Variants in COL6A6 observed in about 807,000 individuals in gnomAD.
COL6A6 encodes collagen type VI alpha 6 chain, also known as collagen alpha-6(VI) chain.
A neutral mutation model predicts 208.6 loss-of-function variants in COL6A6; 183 were observed. The ratio of observed to expected loss-of-function variants is 0.88; its 90% confidence interval spans 0.78 to 0.99. The LOEUF is 0.99. Ranked by LOEUF, COL6A6 falls within the 50% of genes least tolerant of loss-of-function variation. The probability of loss-of-function intolerance (pLI) is 0.00; values close to 1 mark genes in which losing one functional copy is unlikely to be tolerated. For missense variants in COL6A6, 2,816 were observed against 2,815.2 expected (o/e 1.00, Z -0.01); for synonymous variants, 973 against 1,011.8 (o/e 0.96, Z 0.73).
At chr3:130,527,208 A>T (rs1424430702) in intron 1 of COL6A6, among the ~76,000 whole-genome samples, 9 of 152,118 alleles carry the variant, frequency 5.9e-5, no homozygotes, top group Admixed American at 5.9e-4. Flanking sequence ...TATTCTAATC[A>T]CCTTTGAGGC....
chr3:130,579,890 A>C (rs947694615), intron 8 of COL6A6, among the ~76,000 whole-genome samples: 1 of 152,216 alleles, frequency 6.6e-6, no homozygotes, highest in Non-Finnish European at 1.5e-5. Flanking sequence ...ATGGTTACTA[A>C]TTCTGGACTT....
chr3:130,622,970 G>T (rs990505078), intron 24 of COL6A6, among the ~76,000 whole-genome samples: 2 of 152,106 alleles, frequency 1.3e-5, no homozygotes, highest in African/African-American at 2.4e-5. Context: ...AAGGCACAAG[G>T]TTGGAAAATC....
Position 130,675,431 on chromosome 3 carries a change from T to TG in COL6A6, c.*36dup. On this transcript the variant is annotated 3_prime_UTR_variant, in exon 37 of 37. Transcript: ENST00000358511. ...TTGAACAACTTAGCCTTAGGAAGCA[T>TG]GGTAAGACTCTGGACTTAAATAGTA... 2 of 1,468,674 alleles carry TG rather than the reference T, an allele frequency of 1.4e-6. No individual in the cohort carries two copies. The highest frequency in any genetic ancestry group is 4.8e-5 in the East Asian group (2 of 41,892). The allele number at this position is 1,468,674 out of a possible 1,614,324, so 91.0% of individuals were successfully genotyped here. A position where few individuals can be genotyped will look rare whatever the true frequency, so the allele number is the denominator to read the frequency against.
intron 1 of COL6A6, among the ~76,000 whole-genome samples, chr3:130,536,658 C>T (rs747282723): frequency 6.6e-6 from 1 of 152,164 alleles, no homozygotes; most frequent in African/African-American, 2.4e-5. Flanking sequence ...TCAGGTAGAA[C>T]AAGCATGTCC....
In COL6A6 at chr3:130,661,756, A is replaced by G. The variant is rs76623493; in HGVS notation, c.5950A>G (p.Ile1984Val). 1,018 of 1,613,946 alleles carry G rather than the reference A, an allele frequency of 6.3e-4. 2 individuals are homozygous for G. The African/African-American group carries it at 0.011, about 18-fold the overall frequency. Residue 1984 changes from isoleucine to valine, a missense_variant, in exon 35 of 37, where the codon ATA (isoleucine) becomes GTA (valine). By Grantham distance (29) the Ile-to-Val change is conservative (BLOSUM62 3). Transcript: ENST00000358511. ...RNMGSAEFED[I>V]RAFLGALLDH... ...CATGGGAAGTGCTGAATTTGAAGAC[A>G]TAAGAGCCTTCCTTGGAGCACTATT...
At chr3:130,660,999 C>A (rs981699865) in intron 34 of COL6A6, among the ~76,000 whole-genome samples, 2 of 151,972 alleles carry the variant, frequency 1.3e-5, no homozygotes, top group Non-Finnish European at 2.9e-5. Context: ...ACTATGCATT[C>A]TTTTATTAAA....
Position 130,581,874 on chromosome 3 carries a change from A to C in COL6A6, c.3861A>C (p.Thr1287=), listed in dbSNP as rs747624250. ...NANLLDSLWD[T]FQNKSAARGK... ...ACCTCTTGGATTCTCTATGGGATACATTTCAGAATAAATCAGCTGCTCGAG... is the reference window on the plus strand; with the variant it reads ...ACCTCTTGGATTCTCTATGGGATACCTTTCAGAATAAATCAGCTGCTCGAG... Residue 1287 remains threonine, a synonymous_variant, in exon 9 of 37, where the codon ACA becomes ACC. Coordinates refer to ENST00000358511, the MANE Select transcript of COL6A6 (RefSeq NM_001102608.3). 3.1e-6 allele frequency: 5 copies of C among 1,609,306 alleles called. No individual in the cohort carries two copies. The highest frequency in any genetic ancestry group is 1.7e-5 in the Admixed American group (1 of 59,542).
chr3:130,562,685 C>T (rs1364269861), intron 2 of COL6A6, among the ~76,000 whole-genome samples: 9 of 151,902 alleles, frequency 5.9e-5, no homozygotes, highest in Non-Finnish European at 1.3e-4. Flanking sequence ...TAGTTGAAAT[C>T]AAATTCCAAA....
In COL6A6 at chr3:130,568,291, A is replaced by G; in HGVS notation, c.2088A>G (p.Gly696=). The stretch of plus-strand genomic sequence containing the variant: ...CAATAGACCAAATGGCTCACATTGG[A>G]CAAACCACCCTGACTGGTAGTGCCC... ...SNAIDQMAHI[G]QTTLTGSALS... is the part of the protein sequence containing the mutation. The change falls in exon 6 of 37, where the codon GGA becomes GGG. Residue 696 remains glycine (G), a synonymous_variant. Transcript: ENST00000358511. The G allele has an allele frequency of 6.2e-7, 1 of 1,614,038 alleles. No individual in the cohort carries two copies. Among genetic ancestry groups the G allele is most frequent in the East Asian group, 2.2e-5 (1 of 44,882 alleles).
At chr3:130,587,159 G>A (rs2063561146) in intron 11 of COL6A6, among the ~76,000 whole-genome samples, 1 of 152,196 alleles carries the variant, frequency 6.6e-6, no homozygotes, top group African/African-American at 2.4e-5. Context: ...AGAGCAATCT[G>A]CTCTAAAGCT....
intron 1 of COL6A6, among the ~76,000 whole-genome samples, chr3:130,553,846 GTTTTTTTTT>G (rs2062704619): frequency 1.4e-5 from 1 of 71,746 alleles, no homozygotes. Context: ...TTTTTTTTGT[GTTTTTTTTT>G]GTTTTGTTTT....
intron 23 of COL6A6, among the ~76,000 whole-genome samples, chr3:130,619,342 G>GA (rs1263742463): frequency 6.6e-6 from 1 of 152,082 alleles, no homozygotes; most frequent in Non-Finnish European, 1.5e-5. Flanking sequence ...TCCCTAGAGG[G>GA]AAAAAAATGG....
At chr3:130,653,682 C>T (rs1198620934) in intron 33 of COL6A6, among the ~76,000 whole-genome samples, 1 of 152,124 alleles carries the variant, frequency 6.6e-6, no homozygotes, top group African/African-American at 2.4e-5. Flanking sequence ...AAATCTTTAG[C>T]CCACATTCAG....
At chr3:130,615,413 G>C (rs1335645702) in intron 23 of COL6A6, among the ~76,000 whole-genome samples, 6 of 152,140 alleles carry the variant, frequency 3.9e-5, no homozygotes, top group Non-Finnish European at 8.8e-5. Flanking sequence ...TGAATATTCT[G>C]TTGTTTTGAG....
At chr3:130,517,011 G>A (rs967478822), upstream of COL6A6, among the ~76,000 whole-genome samples, 2 of 152,206 alleles carry the variant, frequency 1.3e-5, no homozygotes, top group African/African-American at 4.8e-5. Context: ...GAAGCCGGTG[G>A]AGCAGTAACA....
intron 7 of COL6A6, among the ~76,000 whole-genome samples, chr3:130,571,929 C>A (rs1364878450): frequency 1.3e-5 from 2 of 151,370 alleles, no homozygotes; most frequent in African/African-American, 4.9e-5. Flanking sequence ...GCCATCTGCC[C>A]CCCTTGGCCT....
At chr3:130,577,438 A>G (rs544759504) in intron 8 of COL6A6, among the ~76,000 whole-genome samples, 2 of 152,246 alleles carry the variant, frequency 1.3e-5, no homozygotes, top group Admixed American at 6.5e-5. Context: ...TGCTTCACCA[A>G]TTAATAGCTG....
At chr3:130,660,805 G>C (rs1200806153) in intron 34 of COL6A6, among the ~76,000 whole-genome samples, 1 of 152,166 alleles carries the variant, frequency 6.6e-6, no homozygotes, top group African/African-American at 2.4e-5. Flanking sequence ...ATAAAATACT[G>C]ACTTCCTATA....
chr3:130,576,312 G>A (rs2063294827), intron 8 of COL6A6, among the ~76,000 whole-genome samples: 1 of 152,068 alleles, frequency 6.6e-6, no homozygotes, highest in African/African-American at 2.4e-5. Context: ...TGATGGGAGA[G>A]CCCACAGCAC....
Sources: allele counts gnomAD v4.1 joint callset (sites outside exome capture counted in the v4.1 genomes callset), GRCh38; gene constraint gnomAD v4.1.1; transcripts MANE v1.5; gene names NCBI Gene and HGNC (gene_info 2026-07-23, HGNC 2026-07-21).